Variants in TENM2 observed in about 807,000 individuals in gnomAD.
The protein encoded by TENM2 is teneurin transmembrane protein 2.
A neutral mutation model predicts 245.2 loss-of-function variants in TENM2; 52 were observed. The observed-to-expected ratio is 0.21, with a 90% CI of 0.17 to 0.27. The LOEUF is 0.27. Among genes scored for constraint, TENM2 ranks in the 10% least tolerant of loss-of-function variants. TENM2 has a pLI of 1.00. For synonymous variants in TENM2, 1,363 were observed against 1,438.9 expected (o/e 0.95, Z 1.19); for missense variants, 3,046 against 3,666.8 (o/e 0.83, Z 4.37).
At chr5:167,530,254 A>C (rs1260860965) in intron 2 of TENM2, among the ~76,000 whole-genome samples, 1 of 152,214 alleles carries the variant, frequency 6.6e-6, no homozygotes. Context: ...TCTACAGATA[A>C]CTTGAGAAAG....
chr5:167,642,194 C>T (rs1364602341), intron 2 of TENM2, among the ~76,000 whole-genome samples: 1 of 151,496 alleles, frequency 6.6e-6, no homozygotes, highest in Non-Finnish European at 1.5e-5. Flanking sequence ...TTACTGGTGG[C>T]TTCCCATTTT....
chr5:167,456,024 C>T (rs913273433), intron 2 of TENM2, among the ~76,000 whole-genome samples: 4 of 152,082 alleles, frequency 2.6e-5, no homozygotes, highest in Non-Finnish European at 4.4e-5. Context: ...AATTTTTTCA[C>T]TTTGACTATC....
chr5:167,885,202 T>C (rs1455232178), intron 3 of TENM2, among the ~76,000 whole-genome samples: 1 of 152,238 alleles, frequency 6.6e-6, no homozygotes, highest in African/African-American at 2.4e-5. Flanking sequence ...GCATAGGTTG[T>C]CTTTTCATTC....
intron 13 of TENM2, among the ~76,000 whole-genome samples, chr5:168,174,754 C>T (rs926433483): frequency 7.9e-5 from 12 of 152,312 alleles, no homozygotes; most frequent in African/African-American, 2.9e-4. Context: ...GCGGTGGCCA[C>T]TTCATTAGCA....
chr5:167,622,406 A>G (rs1394149538), intron 2 of TENM2, among the ~76,000 whole-genome samples: 5 of 152,170 alleles, frequency 3.3e-5, no homozygotes, highest in Admixed American at 2.6e-4. Flanking sequence ...AGATGAAACA[A>G]TGAATTGAGA....
At chr5:167,544,206 G>A (rs1772398803) in intron 2 of TENM2, among the ~76,000 whole-genome samples, 1 of 152,116 alleles carries the variant, frequency 6.6e-6, no homozygotes, top group Non-Finnish European at 1.5e-5. Context: ...TGACCCTCTT[G>A]TGTGAATAGA....
chr5:167,609,488 C>CAAAAAAAAAAAAAAAAAAA (rs5873049), intron 2 of TENM2, among the ~76,000 whole-genome samples: 5 of 36,692 alleles, frequency 1.4e-4, no homozygotes, highest in East Asian at 1.2e-3. Context: ...CCTGATGATG[C>CAAAAAAAAAAAAAAAAAAA]AAAAAAAAAA....
At chr5:167,878,573 C>CTGTGTGTG (rs10573629) in intron 3 of TENM2, among the ~76,000 whole-genome samples, 91 of 150,132 alleles carry the variant, frequency 6.1e-4, no homozygotes, top group African/African-American at 2.1e-3. Context: ...GTGCTCACGT[C>CTGTGTGTG]TGTGTGTGTG....
At chr5:167,117,616 G>C in the TENM2 span, among the ~76,000 whole-genome samples, 1 of 152,164 alleles carries the variant, frequency 6.6e-6, no homozygotes, top group Non-Finnish European at 1.5e-5. Context: ...GATAGGTCTG[G>C]TGTTTAGACC....
intron 2 of TENM2, among the ~76,000 whole-genome samples, chr5:167,679,359 C>T (rs951544485): frequency 2.6e-5 from 4 of 152,086 alleles, no homozygotes; most frequent in African/African-American, 9.7e-5. Context: ...GATTTCAAAG[C>T]TCTGGCTGTT....
intron 2 of TENM2, among the ~76,000 whole-genome samples, chr5:167,504,755 T>A (rs1192277939): frequency 1.3e-5 from 2 of 152,182 alleles, no homozygotes; most frequent in Admixed American, 1.3e-4. Flanking sequence ...ACTGCTTTAT[T>A]TTTCCTGTTA....
intron 2 of TENM2, among the ~76,000 whole-genome samples, chr5:167,521,684 G>A (rs866075551): frequency 1.6e-4 from 24 of 152,232 alleles, no homozygotes; most frequent in African/African-American, 5.8e-4. Flanking sequence ...TCTGGGATCA[G>A]CATTGAGAAA....
chr5:168,125,795 T>C (rs1268720513), intron 11 of TENM2, among the ~76,000 whole-genome samples: 1 of 151,804 alleles, frequency 6.6e-6, no homozygotes, highest in African/African-American at 2.4e-5. Context: ...TTTTGGAATG[T>C]CTTCTCAGCC....
At chr5:167,137,196 G>A in the TENM2 span, among the ~76,000 whole-genome samples, 2 of 152,030 alleles carry the variant, frequency 1.3e-5, no homozygotes, top group Non-Finnish European at 2.9e-5. Context: ...TCACATTGGG[G>A]GATAGGGCTC....
intron 2 of TENM2, among the ~76,000 whole-genome samples, chr5:167,446,773 C>T (rs1340709341): frequency 6.8e-6 from 1 of 146,512 alleles, no homozygotes; most frequent in Non-Finnish European, 1.5e-5. Context: ...TTACTCACCC[C>T]ATCTCAGTTT....
the TENM2 span, among the ~76,000 whole-genome samples, chr5:167,279,748 T>C: frequency 6.6e-6 from 1 of 152,132 alleles, no homozygotes; most frequent in African/African-American, 2.4e-5. Context: ...CTTTACATCT[T>C]CTATTTGGTT....
chr5:167,652,532 C>G (rs755083395), intron 2 of TENM2, among the ~76,000 whole-genome samples: 2 of 152,108 alleles, frequency 1.3e-5, no homozygotes, highest in Non-Finnish European at 2.9e-5. Context: ...GAATCATCCC[C>G]CTTGAATATC....
At chr5:167,452,313 T>C (rs1348798001) in intron 2 of TENM2, among the ~76,000 whole-genome samples, 1 of 152,176 alleles carries the variant, frequency 6.6e-6, no homozygotes, top group Admixed American at 6.5e-5. Context: ...GGAGGGTCTG[T>C]TATGGCTCTC....
chr5:167,758,611 T>A (rs1204351980), intron 2 of TENM2, among the ~76,000 whole-genome samples: 1 of 151,980 alleles, frequency 6.6e-6, no homozygotes, highest in African/African-American at 2.4e-5. Flanking sequence ...TCACTTCCAC[T>A]TTTTTTTAGC....
Sources: allele counts gnomAD v4.1 joint callset (sites outside exome capture counted in the v4.1 genomes callset), GRCh38; gene constraint gnomAD v4.1.1; transcripts MANE v1.5; gene names NCBI Gene and HGNC (gene_info 2026-07-23, HGNC 2026-07-21).